ST6GALNAC3: variants seen among roughly 807,000 people sequenced by gnomAD.
ST6GALNAC3 encodes alpha-N-acetylgalactosaminide alpha-2,6-sialyltransferase 3.
Under a neutral mutation model 32.7 loss-of-function variants are expected in ST6GALNAC3, and 25 were observed. The observed-to-expected ratio is 0.76, with a 90% CI of 0.56 to 1.07. The LOEUF (loss-of-function observed/expected upper bound fraction) is 1.07. Among genes scored for constraint, ST6GALNAC3 ranks in the 50% least tolerant of loss-of-function variants. The probability of loss-of-function intolerance (pLI) is 0.00; values close to 1 mark genes in which losing one functional copy is unlikely to be tolerated. For synonymous variants in ST6GALNAC3, 129 were observed against 133.1 expected (o/e 0.97, Z 0.21); for missense variants, 355 against 382.4 (o/e 0.93, Z 0.60).
At chr1:76,474,408 C>A (rs1370640851) in intron 3 of ST6GALNAC3, among the ~76,000 whole-genome samples, 1 of 151,776 alleles carries the variant, frequency 6.6e-6, no homozygotes, top group Non-Finnish European at 1.5e-5. Context: ...GGATCTGGGA[C>A]AAAGGAGAAA....
intron 3 of ST6GALNAC3, among the ~76,000 whole-genome samples, chr1:76,550,192 C>T (rs558753643): frequency 1.3e-5 from 2 of 152,062 alleles, no homozygotes; most frequent in Non-Finnish European, 1.5e-5. Flanking sequence ...AATTTATCAA[C>T]CTATTACTTT....
chr1:76,102,486 CT>C (rs1355988792), intron 1 of ST6GALNAC3, among the ~76,000 whole-genome samples: 2 of 151,844 alleles, frequency 1.3e-5, no homozygotes, highest in Non-Finnish European at 2.9e-5. Flanking sequence ...CCAGTTTCTC[CT>C]CTTTTTCTCC....
At chr1:76,086,645 A>G (rs967719392) in intron 1 of ST6GALNAC3, among the ~76,000 whole-genome samples, 6 of 152,216 alleles carry the variant, frequency 3.9e-5, no homozygotes, top group Non-Finnish European at 5.9e-5. Flanking sequence ...GAACCATACT[A>G]TCAACCCAAG....
intron 2 of ST6GALNAC3, among the ~76,000 whole-genome samples, chr1:76,333,419 ATG>A (rs1647242068): frequency 6.6e-6 from 1 of 152,178 alleles, no homozygotes; most frequent in African/African-American, 2.4e-5. Context: ...ACTCATAAGG[ATG>A]CTATCATATA....
At chr1:76,616,914 A>G (rs1418189528) in intron 3 of ST6GALNAC3, among the ~76,000 whole-genome samples, 1 of 152,192 alleles carries the variant, frequency 6.6e-6, no homozygotes, top group Non-Finnish European at 1.5e-5. Context: ...TTTCTTAACG[A>G]GAAGGTCAGA....
intron 1 of ST6GALNAC3, among the ~76,000 whole-genome samples, chr1:76,284,788 C>T (rs1340956893): frequency 6.6e-6 from 1 of 152,086 alleles, no homozygotes; most frequent in East Asian, 1.9e-4. Flanking sequence ...TTAGTCTCCA[C>T]AAGCAAAGGT....
At chr1:76,258,577 A>G (rs1307784877) in intron 1 of ST6GALNAC3, among the ~76,000 whole-genome samples, 1 of 152,182 alleles carries the variant, frequency 6.6e-6, no homozygotes, top group East Asian at 1.9e-4. Flanking sequence ...AATGCATTCT[A>G]GAATGTCAAC....
chr1:76,409,546 A>G (rs992788297), intron 2 of ST6GALNAC3, among the ~76,000 whole-genome samples: 1 of 151,898 alleles, frequency 6.6e-6, no homozygotes, highest in African/African-American at 2.4e-5. Context: ...GTAGAAAAAA[A>G]AACAGATAAT....
chr1:76,182,888 T>G (rs887097518), intron 1 of ST6GALNAC3, among the ~76,000 whole-genome samples: 2 of 152,160 alleles, frequency 1.3e-5, no homozygotes, highest in African/African-American at 2.4e-5. Flanking sequence ...ACGAATTACC[T>G]AAAACAACTT....
intron 1 of ST6GALNAC3, among the ~76,000 whole-genome samples, chr1:76,102,310 T>A (rs1475276095): frequency 6.6e-6 from 1 of 151,932 alleles, no homozygotes; most frequent in East Asian, 1.9e-4. Flanking sequence ...ATAGCATTAT[T>A]TTTAGATGTG....
At chr1:76,305,373 A>G (rs546852267) in intron 1 of ST6GALNAC3, among the ~76,000 whole-genome samples, 5 of 152,246 alleles carry the variant, frequency 3.3e-5, no homozygotes, top group African/African-American at 1.2e-4. Flanking sequence ...TATTGAGTGT[A>G]GGCTTTGAAT....
At chr1:76,298,385 G>A (rs1316855527) in intron 1 of ST6GALNAC3, among the ~76,000 whole-genome samples, 1 of 151,988 alleles carries the variant, frequency 6.6e-6, no homozygotes, top group Non-Finnish European at 1.5e-5. Context: ...TATAAAATTA[G>A]AAAGTATCAT....
At chr1:76,490,617 C>T (rs1660437331) in intron 3 of ST6GALNAC3, among the ~76,000 whole-genome samples, 1 of 151,690 alleles carries the variant, frequency 6.6e-6, no homozygotes, top group Admixed American at 6.6e-5. Flanking sequence ...TCTTTCTCTG[C>T]TCCTGGATGA....
intron 1 of ST6GALNAC3, among the ~76,000 whole-genome samples, chr1:76,128,198 C>T (rs1051218763): frequency 5.9e-5 from 9 of 152,096 alleles, no homozygotes; most frequent in Non-Finnish European, 1.2e-4. Flanking sequence ...TGGAACAATG[C>T]TTTATTCACA....
chr1:76,620,731 C>T (rs1164625244), intron 3 of ST6GALNAC3, among the ~76,000 whole-genome samples: 1 of 152,116 alleles, frequency 6.6e-6, no homozygotes. Flanking sequence ...CAAAATACCA[C>T]CAGACTGGGG....
chr1:76,176,412 A>G (rs1395974420), intron 1 of ST6GALNAC3, among the ~76,000 whole-genome samples: 1 of 152,196 alleles, frequency 6.6e-6, no homozygotes, highest in Non-Finnish European at 1.5e-5. Flanking sequence ...CTAGTGCTTT[A>G]AACAGATTAA....
intron 1 of ST6GALNAC3, among the ~76,000 whole-genome samples, chr1:76,092,579 A>G (rs969474946): frequency 2.6e-5 from 4 of 152,196 alleles, no homozygotes; most frequent in African/African-American, 9.6e-5. Flanking sequence ...CTGAGGTGAC[A>G]GTGGCTAGAT....
chr1:76,397,789 ATTGTT>A lies in ST6GALNAC3; in HGVS notation c.214-14201_214-14197del, dbSNP rs1002139941. Among the ~76,000 whole-genome samples, 7 of 151,168 alleles carry A rather than the reference ATTGTT, an allele frequency of 4.6e-5. No individual in the cohort carries two copies. The South Asian group carries it at 1.3e-3, about 27-fold the overall frequency. ...TCTTCTACTGTGGTCTGTTTTTTGT[ATTGTT>A]TTGTTTTGTTTTGTTTTTGCTGATG... On this transcript the variant is annotated intron_variant, in intron 2 of 4. Coordinates refer to ENST00000328299, the MANE Select transcript of ST6GALNAC3 (RefSeq NM_152996.4).
intron 2 of ST6GALNAC3, among the ~76,000 whole-genome samples, chr1:76,383,154 A>C (rs552221992): frequency 6.6e-6 from 1 of 152,332 alleles, no homozygotes; most frequent in South Asian, 2.1e-4. Flanking sequence ...CCACCAACTT[A>C]ATTCTATATC....
Sources: gnomAD v4.1 joint callset for allele counts (sites outside exome capture counted in the v4.1 genomes callset) on GRCh38, gnomAD v4.1.1 for gene constraint, MANE v1.5 for transcripts, NCBI Gene and HGNC (gene_info 2026-07-23, HGNC 2026-07-21) for gene names.